Variants in OCM observed in about 807,000 individuals in gnomAD.
The protein encoded by OCM is oncomodulin, also known as oncomodulin-1.
A neutral mutation model predicts 14.1 loss-of-function variants in OCM; 18 were observed. That is an observed-to-expected ratio of 1.28 (90% CI 0.88 to 1.89). The LOEUF (loss-of-function observed/expected upper bound fraction) is 1.89. OCM is among the 40% of genes most tolerant of loss of function. The pLI, the probability that OCM is intolerant of heterozygous loss-of-function variation, is 0.00. For missense variants in OCM, 140 were observed against 137.6 expected (o/e 1.02, Z -0.09); for synonymous variants, 48 against 51.0 (o/e 0.94, Z 0.25).
the OCM span, among the ~76,000 whole-genome samples, chr7:5,862,446 T>C: frequency 4.6e-5 from 7 of 152,186 alleles, no homozygotes; most frequent in African/African-American, 1.7e-4. Context: ...CCCTATAAAC[T>C]AGCCCTAAAA....
the OCM span, among the ~76,000 whole-genome samples, chr7:5,864,405 G>T: frequency 3.3e-5 from 5 of 151,512 alleles, no homozygotes; most frequent in South Asian, 2.1e-4. Flanking sequence ...GTGGCTTCCA[G>T]TTCAGAAGGG....
chr7:5,881,522 C>G (rs1477796897), intron 1 of OCM, among the ~76,000 whole-genome samples: 2 of 151,878 alleles, frequency 1.3e-5, no homozygotes, highest in African/African-American at 2.4e-5. Flanking sequence ...CCCAGCTACT[C>G]TGGAAACTAA....
the OCM span, among the ~76,000 whole-genome samples, chr7:5,867,442 T>C: frequency 2.6e-5 from 4 of 152,232 alleles, no homozygotes; most frequent in Non-Finnish European, 5.9e-5. Context: ...TTTATAATAA[T>C]GCGCCCTTTA....
chr7:5,884,714 T>TTA (rs1554279887), intron 3 of OCM, among the ~76,000 whole-genome samples: 1 of 147,168 alleles, frequency 6.8e-6, no homozygotes, highest in African/African-American at 2.5e-5. Context: ...AGATGCTTAT[T>TTA]AAAAAAAAAA....
the OCM span, among the ~76,000 whole-genome samples, chr7:5,870,257 C>T: frequency 1.3e-5 from 2 of 152,176 alleles, no homozygotes; most frequent in African/African-American, 2.4e-5. Flanking sequence ...ACCACAGGCT[C>T]GTACCACCCC....
chr7:5,880,771 A>C, upstream of OCM: 1 of 933,256 alleles, frequency 1.1e-6, no homozygotes, highest in Non-Finnish European at 1.6e-6. Flanking sequence ...TTTAAAAAAA[A>C]AAATAATCTA....
chr7:5,883,340 G>A (rs902077956), intron 2 of OCM, among the ~76,000 whole-genome samples: 1 of 152,034 alleles, frequency 6.6e-6, no homozygotes, highest in African/African-American at 2.4e-5. Flanking sequence ...GACAGAGAGA[G>A]ACTCTGTCTC....
At chr7:5,871,172 G>A in the OCM span, among the ~76,000 whole-genome samples, 226 of 147,792 alleles carry the variant, frequency 1.5e-3, 1 homozygote, top group African/African-American at 5.4e-3. Context: ...CATAGTGAGA[G>A]CCCCCCCCCC....
intron 3 of OCM, among the ~76,000 whole-genome samples, chr7:5,884,955 T>G (rs367671765): frequency 1.3e-4 from 20 of 151,766 alleles, no homozygotes; most frequent in Non-Finnish European, 2.2e-4. Flanking sequence ...CCCATCTCTA[T>G]TGAAAATATA....
the OCM span, among the ~76,000 whole-genome samples, chr7:5,873,900 A>G: frequency 2.4e-4 from 37 of 151,884 alleles, no homozygotes; most frequent in African/African-American, 8.7e-4. Context: ...GATCTCCCAT[A>G]CATTCAAGAG....
the OCM span, among the ~76,000 whole-genome samples, chr7:5,874,823 G>A: frequency 6.6e-6 from 1 of 151,790 alleles, no homozygotes; most frequent in African/African-American, 2.4e-5. Flanking sequence ...ACCCTTTAAA[G>A]TTCAGTGGCA....
chr7:5,869,429 C>G, the OCM span, among the ~76,000 whole-genome samples: 2 of 151,924 alleles, frequency 1.3e-5, no homozygotes, highest in Non-Finnish European at 2.9e-5. Context: ...GAAACCCTGT[C>G]TCTACTGAAA....
At chr7:5,873,918 T>C in the OCM span, among the ~76,000 whole-genome samples, 1 of 151,546 alleles carries the variant, frequency 6.6e-6, no homozygotes, top group African/African-American at 2.4e-5. Context: ...GAGTTTTGTC[T>C]CCACAAGGGC....
the OCM span, among the ~76,000 whole-genome samples, chr7:5,870,224 C>T: frequency 6.6e-6 from 1 of 152,082 alleles, no homozygotes; most frequent in South Asian, 2.1e-4. Context: ...CATCCTCCCA[C>T]CTCAGGCTCC....
chr7:5,861,306 A>G, the OCM span, among the ~76,000 whole-genome samples: 1 of 152,082 alleles, frequency 6.6e-6, no homozygotes, highest in African/African-American at 2.4e-5. Context: ...CTGTAATCCC[A>G]GCTACTTGGG....
At chr7:5,876,963 G>C (rs1562528516), upstream of OCM, among the ~76,000 whole-genome samples, 1 of 152,142 alleles carries the variant, frequency 6.6e-6, no homozygotes, top group Non-Finnish European at 1.5e-5. Context: ...GCGCCACCAT[G>C]CTCGGCTAAT....
rs41280702 is a variant in OCM, at chr7:5,882,598, G to A, written c.167G>A (p.Ser56Asn). 1 of 1,614,086 alleles carries A rather than the reference G, an allele frequency of 6.2e-7. No individual in the cohort carries two copies. Among genetic ancestry groups the A allele is most frequent in the Non-Finnish European group, 8.5e-7 (1 of 1,180,020 alleles). ...TTCCGGTTCATAGACAACGACCAGA[G>A]CGGGTACCTGGATGAAGAAGAGCTT... ...DVFRFIDNDQ[S>N]GYLDEEELKF... The change falls in exon 2 of 4, where the codon AGC becomes AAC. Residue 56 changes from serine (S) to asparagine (N), a missense_variant. Physicochemically the swap from Ser to Asn is conservative, Grantham distance 46. Coordinates refer to ENST00000242104, the MANE Select transcript of OCM (RefSeq NM_001097622.2).
upstream of OCM, among the ~76,000 whole-genome samples, chr7:5,878,017 C>A (rs1781130254): frequency 6.7e-6 from 1 of 149,526 alleles, no homozygotes; most frequent in Non-Finnish European, 1.5e-5. Flanking sequence ...GTCACCCAGG[C>A]TGTAGTGCAG....
chr7:5,867,405 T>G, the OCM span, among the ~76,000 whole-genome samples: 1 of 152,204 alleles, frequency 6.6e-6, no homozygotes. Context: ...GACCTTCATC[T>G]TCTCTTTATC....
Sources: gnomAD v4.1 joint callset for allele counts (sites outside exome capture counted in the v4.1 genomes callset) on GRCh38, gnomAD v4.1.1 for gene constraint, MANE v1.5 for transcripts, NCBI Gene and HGNC (gene_info 2026-07-23, HGNC 2026-07-21) for gene names.